The following WWOX variants were observed in gnomAD, a reference collection of about 807,000 sequenced individuals.
WWOX encodes the protein WW domain containing oxidoreductase.
Under a neutral mutation model 46.2 loss-of-function variants are expected in WWOX, and 69 were observed. The ratio of observed to expected loss-of-function variants is 1.49; its 90% confidence interval spans 1.23 to 1.82. The LOEUF is 1.82. WWOX is among the 40% of genes most tolerant of loss of function. The probability of loss-of-function intolerance (pLI) is 0.00; values close to 1 mark genes in which losing one functional copy is unlikely to be tolerated. For synonymous variants in WWOX, 359 were observed against 202.6 expected, an observed-to-expected ratio of 1.77 and a Z score of -6.56; for missense variants, 919 against 542.6, an observed-to-expected ratio of 1.69 and a Z score of -6.89.
At chr16:78,112,607 G>C (rs2032553677) in intron 3 of WWOX, among the ~76,000 whole-genome samples, 1 of 151,462 alleles carries the variant, frequency 6.6e-6, no homozygotes, top group Admixed American at 6.6e-5. Flanking sequence ...CCTAACTTGT[G>C]AAAGTTTTTT....
At chr16:78,617,203 G>C (rs373563876) in intron 8 of WWOX, among the ~76,000 whole-genome samples, 1 of 152,080 alleles carries the variant, frequency 6.6e-6, no homozygotes, top group Non-Finnish European at 1.5e-5. Context: ...CTTGAGCCCC[G>C]GAGTTGAAGA....
chr16:78,268,938 A>G (rs570927374), intron 5 of WWOX, among the ~76,000 whole-genome samples: 2 of 152,290 alleles, frequency 1.3e-5, no homozygotes, highest in African/African-American at 4.8e-5. Flanking sequence ...AACCATGATT[A>G]GTATTTTGTA....
chr16:78,690,320 T>G (rs1274840538), intron 8 of WWOX, among the ~76,000 whole-genome samples: 1 of 151,996 alleles, frequency 6.6e-6, no homozygotes, highest in Non-Finnish European at 1.5e-5. Context: ...GAAGGCTGAG[T>G]CAGAACGATT....
chr16:78,269,615 T>C (rs1396180481), intron 5 of WWOX, among the ~76,000 whole-genome samples: 2 of 152,216 alleles, frequency 1.3e-5, no homozygotes, highest in African/African-American at 4.8e-5. Flanking sequence ...TAAAATTTAT[T>C]AGCCAACTTC....
intron 8 of WWOX, among the ~76,000 whole-genome samples, chr16:78,753,818 AAAAAAAAATATATAT>A (rs1388171581): frequency 3.6e-5 from 3 of 82,604 alleles, no homozygotes; most frequent in African/African-American, 1.4e-4. Flanking sequence ...AAAAAAAAAA[AAAAAAAAATATATAT>A]ATATATATAT....
chr16:79,111,177 G>A lies in WWOX; in HGVS notation c.1057-100431G>A, dbSNP rs2049409308. Reference sequence around the variant, plus strand: ...TATTCCACAAAGTTAGAGGGGAGGAGTAAGTATCTCTTATTCGTGCATCTT... The same window carrying A: ...TATTCCACAAAGTTAGAGGGGAGGAATAAGTATCTCTTATTCGTGCATCTT... On this transcript the variant is annotated intron_variant, in intron 8 of 8. Coordinates refer to ENST00000566780, the MANE Select transcript of WWOX (RefSeq NM_016373.4). 2.6e-5 allele frequency among the ~76,000 whole-genome samples: 4 copies of A among 152,220 alleles called. No homozygotes were observed. The South Asian group carries it at 8.3e-4, about 32-fold the overall frequency.
At chr16:78,249,414 A>G (rs901388572) in intron 5 of WWOX, among the ~76,000 whole-genome samples, 1 of 152,114 alleles carries the variant, frequency 6.6e-6, no homozygotes, top group African/African-American at 2.4e-5. Context: ...GATAGTAGCT[A>G]CCTCCAGTGC....
At chr16:78,364,617 C>T (rs373817403) in intron 5 of WWOX, among the ~76,000 whole-genome samples, 1 of 150,586 alleles carries the variant, frequency 6.6e-6, no homozygotes, top group Non-Finnish European at 1.5e-5. Flanking sequence ...AACTGTTTGT[C>T]GTGACTGCAG....
intron 8 of WWOX, among the ~76,000 whole-genome samples, chr16:78,477,984 G>C (rs2084392589): frequency 6.6e-6 from 1 of 151,980 alleles, no homozygotes. Flanking sequence ...AGCTGCAATA[G>C]GTTTTTCTAT....
chr16:78,584,038 C>T (rs1393567146), intron 8 of WWOX, among the ~76,000 whole-genome samples: 1 of 152,180 alleles, frequency 6.6e-6, no homozygotes, highest in Non-Finnish European at 1.5e-5. Flanking sequence ...CCAGATCAAC[C>T]TGTCCCTTCT....
intron 8 of WWOX, among the ~76,000 whole-genome samples, chr16:78,752,610 G>A (rs572860497): frequency 3.3e-5 from 5 of 152,140 alleles, no homozygotes; most frequent in African/African-American, 9.7e-5. Flanking sequence ...AACAGGTTCA[G>A]CAGATTTTTA....
chr16:78,488,072 C>T (rs1250569888), intron 8 of WWOX, among the ~76,000 whole-genome samples: 2 of 152,112 alleles, frequency 1.3e-5, no homozygotes, highest in Admixed American at 6.6e-5. Flanking sequence ...GTGGTTCCAG[C>T]CTATTTTCTG....
intron 8 of WWOX, among the ~76,000 whole-genome samples, chr16:78,489,687 G>A (rs947263445): frequency 2.2e-4 from 34 of 152,282 alleles, no homozygotes; most frequent in Middle Eastern, 3.4e-3. Context: ...AATGGCTGTG[G>A]GGCGCCTGAG....
intron 5 of WWOX, among the ~76,000 whole-genome samples, chr16:78,292,578 A>T (rs2151861399): frequency 6.6e-6 from 1 of 152,280 alleles, no homozygotes; most frequent in East Asian, 1.9e-4. Flanking sequence ...GACTTAGAAT[A>T]TTTAAATTAG....
chr16:78,614,646 C>G (rs1405513516), intron 8 of WWOX, among the ~76,000 whole-genome samples: 1 of 152,224 alleles, frequency 6.6e-6, no homozygotes, highest in Non-Finnish European at 1.5e-5. Flanking sequence ...GGACCACCCC[C>G]TCCACCTTAG....
chr16:79,159,671 C>T (rs942749182), intron 8 of WWOX, among the ~76,000 whole-genome samples: 5 of 152,282 alleles, frequency 3.3e-5, no homozygotes, highest in Non-Finnish European at 7.4e-5. Context: ...TCATATTTAA[C>T]AAGCCACTGA....
intron 8 of WWOX, among the ~76,000 whole-genome samples, chr16:78,671,592 G>C: frequency 6.6e-6 from 1 of 152,208 alleles, no homozygotes; most frequent in African/African-American, 2.4e-5. Context: ...TACTCTCAGA[G>C]CCCTGATTTT....
intron 8 of WWOX, among the ~76,000 whole-genome samples, chr16:79,065,726 G>C (rs2048429189): frequency 6.6e-6 from 1 of 152,142 alleles, no homozygotes. Context: ...TTCGGGAAAG[G>C]CTGTTATCAT....
chr16:78,313,762 T>C (rs2080297117), intron 5 of WWOX, among the ~76,000 whole-genome samples: 1 of 152,206 alleles, frequency 6.6e-6, no homozygotes, highest in Admixed American at 6.5e-5. Flanking sequence ...TTTGAGGCTC[T>C]TCTATTATGG....
Sources: gnomAD v4.1 joint callset for allele counts (sites outside exome capture counted in the v4.1 genomes callset) on GRCh38, gnomAD v4.1.1 for gene constraint, MANE v1.5 for transcripts, NCBI Gene and HGNC (gene_info 2026-07-23, HGNC 2026-07-21) for gene names.